Variants in XIRP2 observed in about 807,000 individuals in gnomAD.
XIRP2 encodes the protein xin actin binding repeat containing 2.
A neutral mutation model predicts 277.0 loss-of-function variants in XIRP2; 236 were observed. That is an observed-to-expected ratio of 0.85 (90% confidence interval 0.77 to 0.95). The LOEUF (loss-of-function observed/expected upper bound fraction) is 0.95, where lower values mean the gene tolerates loss of function less well. Among genes scored for constraint, XIRP2 ranks in the 40% least tolerant of loss-of-function variants. XIRP2 has a pLI of 0.00. For missense variants in XIRP2, 4,640 were observed against 4,157.5 expected (o/e 1.12, Z -3.19); for synonymous variants, 1,490 against 1,416.5 (o/e 1.05, Z -1.17).
intron 2 of XIRP2, among the ~76,000 whole-genome samples, chr2:167,002,416 TAA>T (rs1687397653): frequency 6.6e-6 from 1 of 151,940 alleles, no homozygotes; most frequent in Non-Finnish European, 1.5e-5. Context: ...ACATGTAATT[TAA>T]GTGTCTAACA....
At chr2:167,228,244 C>T (rs1307955207) in intron 5 of XIRP2, among the ~76,000 whole-genome samples, 1 of 152,184 alleles carries the variant, frequency 6.6e-6, no homozygotes, top group Admixed American at 6.6e-5. Flanking sequence ...TAGTTGCTAA[C>T]TGTCTGCTGA....
chr2:167,122,411 T>A (rs1350460568), intron 2 of XIRP2, among the ~76,000 whole-genome samples: 1 of 152,182 alleles, frequency 6.6e-6, no homozygotes, highest in Non-Finnish European at 1.5e-5. Context: ...TTGCACATTC[T>A]AGGAGAAGCA....
chr2:167,019,161 T>G (rs1288261600), intron 2 of XIRP2, among the ~76,000 whole-genome samples: 1 of 152,032 alleles, frequency 6.6e-6, no homozygotes, highest in African/African-American at 2.4e-5. Flanking sequence ...TGAAATATTT[T>G]CTACTTCCTG....
In XIRP2 at chr2:167,247,548, A is replaced by G. The variant is rs1196825309; in HGVS notation, c.6156A>G (p.Lys2052=). The G allele has an allele frequency of 6.2e-7, 1 of 1,613,686 alleles. No homozygotes were observed. Among genetic ancestry groups the G allele is most frequent in the Admixed American group, 1.7e-5 (1 of 59,964 alleles). The part of the protein sequence containing the change: ...SLRRLSNSHH[K]SNVLESGDKT... The stretch of plus-strand genomic sequence containing the variant: ...GAAGACTATCTAATTCACACCATAA[A>G]TCTAATGTTTTGGAATCAGGAGACA... Residue 2052 remains lysine, a synonymous_variant, in exon 9 of 11, where the codon AAA becomes AAG. Coordinates refer to ENST00000409195, the MANE Select transcript of XIRP2 (RefSeq NM_152381.6).
rs1187513931 is a variant in XIRP2, at chr2:167,192,737, T to G, written c.563-17998T>G. 4.6e-5 allele frequency among the ~76,000 whole-genome samples: 7 copies of G among 152,106 alleles called. No homozygotes were observed. In the South Asian group the frequency reaches 1.5e-3, roughly 32 times the overall value. On this transcript the variant is annotated intron_variant, in intron 3 of 10. Coordinates refer to ENST00000409195, the MANE Select transcript of XIRP2 (RefSeq NM_152381.6). Reference sequence around the variant, plus strand: ...TCCTGGGCACTGCATAGGGTAGAAGTCAGCTACCAGTGTGGGGTCCAGCAG... The same window carrying G: ...TCCTGGGCACTGCATAGGGTAGAAGGCAGCTACCAGTGTGGGGTCCAGCAG...
At chr2:167,005,056 A>G (rs1273033620) in intron 2 of XIRP2, among the ~76,000 whole-genome samples, 1 of 151,914 alleles carries the variant, frequency 6.6e-6, no homozygotes, top group East Asian at 1.9e-4. Flanking sequence ...AATTCAAAAA[A>G]GAAAGTAACT....
Position 167,258,404 on chromosome 2 carries a change from G to T in XIRP2, c.*587G>T. ...GAAAGAGGATGTTATAGGAATCAAA[G>T]AAATGAAAATGCCTGAAGGAAGAAA... On this transcript the variant is annotated 3_prime_UTR_variant, in exon 11 of 11. Coordinates refer to ENST00000409195, the MANE Select transcript of XIRP2 (RefSeq NM_152381.6). 1 of 1,613,224 alleles carries T rather than the reference G, an allele frequency of 6.2e-7. No individual in the cohort carries two copies. Among genetic ancestry groups the T allele is most frequent in the Non-Finnish European group, 8.5e-7 (1 of 1,179,606 alleles).
At chr2:166,935,633 A>G (rs1021393081) in intron 2 of XIRP2, among the ~76,000 whole-genome samples, 1 of 152,082 alleles carries the variant, frequency 6.6e-6, no homozygotes, top group Admixed American at 6.5e-5. Context: ...TCATTCTTCA[A>G]TTCCCACCTA....
chr2:166,927,592 G>A (rs747017298), intron 2 of XIRP2, among the ~76,000 whole-genome samples: 3 of 152,042 alleles, frequency 2.0e-5, no homozygotes, highest in South Asian at 2.1e-4. Flanking sequence ...TCTGACCCCC[G>A]CTTCTACTTC....
chr2:167,045,709 G>C (rs1481907069), intron 2 of XIRP2, among the ~76,000 whole-genome samples: 1 of 152,034 alleles, frequency 6.6e-6, no homozygotes, highest in Admixed American at 6.6e-5. Flanking sequence ...AGTAAGAATG[G>C]CTATAATTAA....
chr2:167,119,050 T>C (rs1227968332), intron 2 of XIRP2, among the ~76,000 whole-genome samples: 1 of 152,072 alleles, frequency 6.6e-6, no homozygotes, highest in Non-Finnish European at 1.5e-5. Flanking sequence ...AGGAAGGTGT[T>C]GATGAGATTG....
At chr2:167,199,376 C>G (rs1693612907) in intron 3 of XIRP2, among the ~76,000 whole-genome samples, 1 of 152,178 alleles carries the variant, frequency 6.6e-6, no homozygotes, top group Non-Finnish European at 1.5e-5. Context: ...AGCTTAATCT[C>G]CATTACATTA....
intron 2 of XIRP2, among the ~76,000 whole-genome samples, chr2:166,960,012 G>A (rs1321768856): frequency 1.3e-5 from 2 of 151,710 alleles, no homozygotes; most frequent in African/African-American, 2.4e-5. Context: ...TTCTTACCCT[G>A]CCAGTTTCTT....
At chr2:166,953,213 T>A (rs1187159835) in intron 2 of XIRP2, among the ~76,000 whole-genome samples, 2 of 151,918 alleles carry the variant, frequency 1.3e-5, no homozygotes, top group Non-Finnish European at 2.9e-5. Flanking sequence ...ATACCACTAT[T>A]GTGTTGATAT....
At position 167,156,009 on chromosome 2, in the gene XIRP2, A is replaced by C. The variant is rs1164507918; in HGVS notation, c.562+19947A>C. On this transcript the variant is annotated intron_variant, in intron 3 of 10. Coordinates refer to ENST00000409195, the MANE Select transcript of XIRP2 (RefSeq NM_152381.6). ...ACTCCCATTCACAATTGCTTCAAAGAGAATAAAATACCTAGGAATCCAACT... is the reference window on the plus strand; with the variant it reads ...ACTCCCATTCACAATTGCTTCAAAGCGAATAAAATACCTAGGAATCCAACT... Among the ~76,000 whole-genome samples, 17 of 150,472 alleles carry C rather than the reference A, an allele frequency of 1.1e-4. No homozygotes were observed. In the East Asian group the frequency reaches 3.1e-3, roughly 27 times the overall value.
At position 167,242,824 on chromosome 2, in the gene XIRP2, C is replaced by T. The variant is rs1392397940; in HGVS notation, c.1432C>T (p.Pro478Ser). 2.5e-6 allele frequency: 4 copies of T among 1,614,126 alleles called. No individual in the cohort carries two copies. The South Asian group carries it at 4.4e-5, about 18-fold the overall frequency. Reference sequence around the variant, plus strand: ...TTCCCAGTCCCCTGAACTGCCCAGTCCTCCTAGAAGACTACCAGTCCCCAA... The same window carrying T: ...TTCCCAGTCCCCTGAACTGCCCAGTTCTCCTAGAAGACTACCAGTCCCCAA... ...AFSQSPELPS[P>S]PRRLPVPKDV... is the part of the protein sequence containing the mutation. The change falls in exon 9 of 11, where the codon CCT (proline) becomes TCT (serine). Residue 478 changes from proline (P) to serine (S), a missense_variant. Physicochemically the swap from Pro to Ser is moderately conservative, Grantham distance 74. Coordinates refer to ENST00000409195, the MANE Select transcript of XIRP2 (RefSeq NM_152381.6).
chr2:167,204,218 TTTAAA>T (rs1488827341), intron 3 of XIRP2, among the ~76,000 whole-genome samples: 3 of 152,208 alleles, frequency 2.0e-5, no homozygotes, highest in African/African-American at 7.2e-5. Context: ...TGCTCAACAG[TTTAAA>T]TTATTGTTAA....
chr2:167,131,989 C>T (rs6432976), intron 2 of XIRP2, among the ~76,000 whole-genome samples: 35,458 of 151,774 alleles, frequency 0.23, 5,616 homozygotes, highest in African/African-American at 0.45. Context: ...CCCATTCTCA[C>T]TCCCTCTCTC....
intron 3 of XIRP2, among the ~76,000 whole-genome samples, chr2:167,207,694 C>G (rs560300431): frequency 1.1e-3 from 161 of 152,212 alleles, no homozygotes; most frequent in Non-Finnish European, 1.1e-3. Flanking sequence ...AAAAAGATCT[C>G]TAGTCACACA....
Sources: gnomAD v4.1 joint callset for allele counts (sites outside exome capture counted in the v4.1 genomes callset) on GRCh38, gnomAD v4.1.1 for gene constraint, MANE v1.5 for transcripts, NCBI Gene and HGNC (gene_info 2026-07-23, HGNC 2026-07-21) for gene names.